The following ZNF184 variants were observed in gnomAD, a reference collection of about 807,000 sequenced individuals.
ZNF184 encodes zinc finger protein 184, also known as zinc finger protein 184 (Kruppel-like).
Under a neutral mutation model 54.4 loss-of-function variants are expected in ZNF184, and 16 were observed. That is an observed-to-expected ratio of 0.29 (90% CI 0.20 to 0.45). The LOEUF (loss-of-function observed/expected upper bound fraction) is 0.45. Ranked by LOEUF, ZNF184 falls within the 20% of genes least tolerant of loss-of-function variation. The pLI is 1.00. For missense variants in ZNF184, 681 were observed against 888.2 expected, an observed-to-expected ratio of 0.77 and a Z score of 2.97; for synonymous variants, 254 against 295.3, an observed-to-expected ratio of 0.86 and a Z score of 1.43.
chr6:27,471,152 T>C (rs2179154), intron 2 of ZNF184, among the ~76,000 whole-genome samples: 98,548 of 151,480 alleles, frequency 0.65, 32,325 homozygotes, highest in Middle Eastern at 0.75. Context: ...CATAGGGACA[T>C]GTCATAAGCC....
At chr6:27,442,806 A>AAG in the ZNF184 span, among the ~76,000 whole-genome samples, 1 of 63,576 alleles carries the variant, frequency 1.6e-5, no homozygotes, top group South Asian at 8.3e-4. Context: ...AAGAAAGAGA[A>AAG]AGAAAGAGAA....
the ZNF184 span, among the ~76,000 whole-genome samples, chr6:27,432,520 T>A: frequency 6.6e-6 from 1 of 152,300 alleles, no homozygotes; most frequent in African/African-American, 2.4e-5. This position sits in a 1 kb window ranked among gnomAD's most constrained non-coding sequence, Gnocchi z 4.0. Flanking sequence ...GTAGCACAAG[T>A]AACAAAAGAT....
the ZNF184 span, among the ~76,000 whole-genome samples, chr6:27,422,747 A>G: frequency 4.6e-3 from 704 of 152,182 alleles, 3 homozygotes; most frequent in African/African-American, 0.016. Flanking sequence ...TACAGTTACT[A>G]TCTGTTCCCC....
the ZNF184 span, among the ~76,000 whole-genome samples, chr6:27,423,584 C>T: frequency 6.6e-6 from 1 of 151,862 alleles, no homozygotes; most frequent in Non-Finnish European, 1.5e-5. Flanking sequence ...TTTCTCTGTT[C>T]TCAGCAATAC....
At chr6:27,442,856 A>C in the ZNF184 span, among the ~76,000 whole-genome samples, 1 of 74,146 alleles carries the variant, frequency 1.3e-5, no homozygotes, top group Non-Finnish European at 3.1e-5. Flanking sequence ...GAAAGAAAGA[A>C]AGAAAGAAAG....
downstream of ZNF184, among the ~76,000 whole-genome samples, chr6:27,447,665 A>C (rs953536709): frequency 3.3e-5 from 5 of 152,336 alleles, no homozygotes; most frequent in East Asian, 9.6e-4. Context: ...GTGAGCCAAG[A>C]TCATGCCATT....
chr6:27,423,759 T>G, the ZNF184 span, among the ~76,000 whole-genome samples: 1 of 152,242 alleles, frequency 6.6e-6, no homozygotes, highest in East Asian at 1.9e-4. Flanking sequence ...TGTATTAGGT[T>G]TATGCTTAAC....
chr6:27,469,511 T>C (rs569929567), intron 2 of ZNF184, among the ~76,000 whole-genome samples: 7 of 151,936 alleles, frequency 4.6e-5, no homozygotes, highest in African/African-American at 9.7e-5. Flanking sequence ...CGTGGTGGCG[T>C]GTGCCTGTAA....
the ZNF184 span, among the ~76,000 whole-genome samples, chr6:27,436,813 C>CTG: frequency 6.6e-6 from 1 of 152,098 alleles, no homozygotes; most frequent in Non-Finnish European, 1.5e-5. Context: ...GGATCGTGAC[C>CTG]AGCTCAGTAC....
In ZNF184 at chr6:27,451,345, G is replaced by C; in HGVS notation, c.2214C>G (p.Arg738=). 6.2e-7 allele frequency: 1 copy of C among 1,613,526 alleles called. No individual in the cohort carries two copies. Among genetic ancestry groups the C allele is most frequent in the Non-Finnish European group, 8.5e-7 (1 of 1,179,688 alleles). The stretch of plus-strand genomic sequence containing the variant: ...GTCTCTGATGTTTGTTGAGAGCAGA[G>C]CGATATCTGAAGGATTTTCCACAAT... ...CNDCGKSFRY[R]SALNKHQRLH... The change falls in exon 6 of 6, where the codon CGC becomes CGG. Residue 738 remains arginine (R), a synonymous_variant. Coordinates refer to ENST00000683788, the MANE Select transcript of ZNF184 (RefSeq NM_001318891.2).
At chr6:27,409,571 A>G in the ZNF184 span, among the ~76,000 whole-genome samples, 2 of 151,810 alleles carry the variant, frequency 1.3e-5, no homozygotes, top group Non-Finnish European at 2.9e-5. Context: ...AAAAATGACC[A>G]AGTGTCAAGT....
chr6:27,424,930 G>A, the ZNF184 span, among the ~76,000 whole-genome samples: 2 of 152,184 alleles, frequency 1.3e-5, no homozygotes, highest in East Asian at 1.9e-4. Flanking sequence ...GAGGGGGTGG[G>A]AGGCTCAGGC....
chr6:27,423,741 A>C, the ZNF184 span, among the ~76,000 whole-genome samples: 1 of 152,220 alleles, frequency 6.6e-6, no homozygotes, highest in Non-Finnish European at 1.5e-5. Context: ...ATACAAAGAA[A>C]GATTATGTGT....
chr6:27,442,858 GAAAGAA>G, the ZNF184 span, among the ~76,000 whole-genome samples: 95 of 67,960 alleles, frequency 1.4e-3, 13 homozygotes, highest in African/African-American at 5.6e-3. Context: ...AAGAAAGAAA[GAAAGAA>G]AGAAAGAAAG....
rs1406526928 is a variant in ZNF184, at chr6:27,451,691, A to T, written c.1868T>A (p.Phe623Tyr). The change falls in exon 6 of 6, where the codon TTT (phenylalanine) becomes TAT (tyrosine). Residue 623 changes from phenylalanine (F) to tyrosine (Y), a missense_variant. Phe to Tyr is a conservative substitution (Grantham distance 22). Coordinates refer to ENST00000683788, the MANE Select transcript of ZNF184 (RefSeq NM_001318891.2). ...TTGAGCAAGAGATGAACAATGTCGA[A>T]AGGCTTTACCACACTCAGCACACTC... ...PYECAECGKA[F>Y]RHCSSLAQHQ... 1.9e-6 allele frequency: 3 copies of T among 1,614,046 alleles called. No individual in the cohort carries two copies. Among genetic ancestry groups the T allele is most frequent in the Non-Finnish European group, 2.5e-6 (3 of 1,179,986 alleles).
In ZNF184 at chr6:27,451,631, T is replaced by A; in HGVS notation, c.1928A>T (p.Gln643Leu). ...QKTHTEEKPY[Q>L]CNKCEKTFSQ... is the part of the protein sequence containing the mutation. ...AAAGGTCTTTTCACATTTATTACAC[T>A]GGTAGGGTTTTTCTTCTGTGTGAGT... Residue 643 changes from glutamine to leucine, a missense_variant, in exon 6 of 6, where the codon CAG becomes CTG. Gln to Leu is a moderately radical substitution (Grantham distance 113). Transcript: ENST00000683788. 1 of 1,614,190 alleles carries A rather than the reference T, an allele frequency of 6.2e-7. No homozygotes were observed. Among genetic ancestry groups the A allele is most frequent in the Non-Finnish European group, 8.5e-7 (1 of 1,180,016 alleles).
intron 3 of ZNF184, among the ~76,000 whole-genome samples, chr6:27,460,468 G>A (rs1202082727): frequency 6.6e-6 from 1 of 152,200 alleles, no homozygotes; most frequent in Non-Finnish European, 1.5e-5. Context: ...ACAGCAGGCA[G>A]GACAGAAGTG....
At chr6:27,424,244 G>A in the ZNF184 span, among the ~76,000 whole-genome samples, 1 of 152,150 alleles carries the variant, frequency 6.6e-6, no homozygotes. Flanking sequence ...CAGGAATAAC[G>A]CTGCAGACTT....
chr6:27,459,252 G>C (rs1002146952), intron 3 of ZNF184, among the ~76,000 whole-genome samples: 13 of 152,160 alleles, frequency 8.5e-5, no homozygotes, highest in African/African-American at 2.9e-4. Flanking sequence ...ACAACACAAA[G>C]AAGTGATAAA....
Sources: gnomAD v4.1 joint callset for allele counts (sites outside exome capture counted in the v4.1 genomes callset) on GRCh38, gnomAD v4.1.1 for gene constraint, Gnocchi (gnomAD v3.1) non-coding constraint, MANE v1.5 for transcripts, NCBI Gene and HGNC (gene_info 2026-07-23, HGNC 2026-07-21) for gene names.